The following CSTPP1 variants were observed in gnomAD, a reference collection of about 807,000 sequenced individuals.
CSTPP1 encodes the protein UPF0705 protein C11orf49.
At chr11:47,067,588 T>A in the CSTPP1 span, among the ~76,000 whole-genome samples, 1 of 152,202 alleles carries the variant, frequency 6.6e-6, no homozygotes. Context: ...TAAGAGGAGA[T>A]ACCAGAGAGC....
chr11:46,976,084 T>C, the CSTPP1 span, among the ~76,000 whole-genome samples: 1 of 152,142 alleles, frequency 6.6e-6, no homozygotes, highest in Non-Finnish European at 1.5e-5. Flanking sequence ...AAATGGACTA[T>C]GTGCTCCTAG....
the CSTPP1 span, among the ~76,000 whole-genome samples, chr11:47,089,003 C>T: frequency 3.3e-5 from 5 of 152,212 alleles, no homozygotes; most frequent in East Asian, 3.9e-4. Context: ...TCTGAGAACT[C>T]ATCAAAGCTT....
the CSTPP1 span, among the ~76,000 whole-genome samples, chr11:47,035,373 C>T: frequency 2.6e-5 from 4 of 152,086 alleles, no homozygotes; most frequent in South Asian, 2.1e-4. Flanking sequence ...GTACTGAACA[C>T]GATGAAAAAT....
At chr11:47,052,539 TTTCCTTCCTTCC>T in the CSTPP1 span, 12 of 1,607,974 alleles carry the variant, frequency 7.5e-6, no homozygotes, top group South Asian at 2.2e-5. Context: ...CCAAATTCTT[TTTCCTTCCTTCC>T]TTCCTTCCTT....
chr11:47,060,977 G>C, the CSTPP1 span, among the ~76,000 whole-genome samples: 2 of 152,148 alleles, frequency 1.3e-5, no homozygotes, highest in African/African-American at 4.8e-5. Flanking sequence ...TTAAGAAGTT[G>C]GTTTGACAGG....
the CSTPP1 span, among the ~76,000 whole-genome samples, chr11:47,055,883 G>T: frequency 1.3e-5 from 2 of 152,140 alleles, no homozygotes; most frequent in African/African-American, 4.8e-5. Flanking sequence ...AACCAATGTG[G>T]ACTCAATTTT....
chr11:47,081,452 A>C, the CSTPP1 span, among the ~76,000 whole-genome samples: 1 of 152,198 alleles, frequency 6.6e-6, no homozygotes, highest in African/African-American at 2.4e-5. Flanking sequence ...TAAATATAAC[A>C]ATTCATTTAA....
the CSTPP1 span, among the ~76,000 whole-genome samples, chr11:46,993,470 G>A: frequency 6.6e-6 from 1 of 151,926 alleles, no homozygotes; most frequent in African/African-American, 2.4e-5. Flanking sequence ...GTAAGGAAGG[G>A]ATCCAGTTTC....
the CSTPP1 span, among the ~76,000 whole-genome samples, chr11:47,131,222 T>C: frequency 6.6e-6 from 1 of 152,170 alleles, no homozygotes; most frequent in African/African-American, 2.4e-5. Flanking sequence ...GGGTATTCTT[T>C]AGTGACACCA....
the CSTPP1 span, among the ~76,000 whole-genome samples, chr11:46,975,883 G>A: frequency 6.6e-6 from 1 of 152,164 alleles, no homozygotes; most frequent in African/African-American, 2.4e-5. Flanking sequence ...AATCCAGAGA[G>A]GCCAGTGGGA....
chr11:47,032,765 G>A, the CSTPP1 span, among the ~76,000 whole-genome samples: 1 of 151,994 alleles, frequency 6.6e-6, no homozygotes, highest in South Asian at 2.1e-4. Flanking sequence ...GTAGCATAAG[G>A]AAGAAGAGGA....
chr11:46,944,424 A>G, the CSTPP1 span, among the ~76,000 whole-genome samples: 2 of 152,090 alleles, frequency 1.3e-5, no homozygotes, highest in South Asian at 4.1e-4. Flanking sequence ...TGTTATTACC[A>G]TATTTTTGTG....
chr11:47,151,784 C>T, the CSTPP1 span, among the ~76,000 whole-genome samples: 4 of 151,724 alleles, frequency 2.6e-5, no homozygotes, highest in Non-Finnish European at 5.9e-5. Flanking sequence ...GCCACATGTC[C>T]CCCAGAAAGA....
the CSTPP1 span, among the ~76,000 whole-genome samples, chr11:47,125,702 C>A: frequency 6.6e-6 from 1 of 152,026 alleles, no homozygotes; most frequent in Non-Finnish European, 1.5e-5. Context: ...TAATGATAAG[C>A]CTGATTTTAA....
At chr11:46,972,511 G>A in the CSTPP1 span, among the ~76,000 whole-genome samples, 1 of 152,144 alleles carries the variant, frequency 6.6e-6, no homozygotes, top group African/African-American at 2.4e-5. Flanking sequence ...GGCTATTTGA[G>A]CGGTACAGTG....
the CSTPP1 span, among the ~76,000 whole-genome samples, chr11:47,148,043 C>G: frequency 2.0e-5 from 3 of 152,168 alleles, no homozygotes; most frequent in Non-Finnish European, 4.4e-5. Context: ...GGACACCCCA[C>G]GCCACTTCAA....
the CSTPP1 span, among the ~76,000 whole-genome samples, chr11:47,106,080 C>T: frequency 3.3e-5 from 5 of 152,240 alleles, no homozygotes; most frequent in African/African-American, 1.2e-4. Context: ...ATTTATCCAC[C>T]TTGTCACACT....
chr11:46,948,348 G>A, the CSTPP1 span, among the ~76,000 whole-genome samples: 1,394 of 152,316 alleles, frequency 9.2e-3, 13 homozygotes, highest in Non-Finnish European at 0.015. Flanking sequence ...TGGGCAACAT[G>A]AGGCTAGCAC....
the CSTPP1 span, among the ~76,000 whole-genome samples, chr11:47,162,440 C>T: frequency 3.9e-5 from 6 of 152,184 alleles, no homozygotes; most frequent in East Asian, 1.9e-4. Flanking sequence ...ACAGCTGGAA[C>T]GGCCTTCAGG....
Sources: allele counts gnomAD v4.1 joint callset (sites outside exome capture counted in the v4.1 genomes callset), GRCh38; gene constraint gnomAD v4.1.1; transcripts MANE v1.5; gene names NCBI Gene and HGNC (gene_info 2026-07-23, HGNC 2026-07-21).